The following CNTNAP2 variants were observed in gnomAD, a reference collection of about 807,000 sequenced individuals.
CNTNAP2 encodes contactin-associated protein-like 2.
Under a neutral mutation model 155.2 loss-of-function variants are expected in CNTNAP2, and 98 were observed. The observed-to-expected ratio is 0.63, with a 90% CI of 0.54 to 0.75. CNTNAP2 has a LOEUF of 0.75. Ranked by LOEUF, CNTNAP2 falls within the 30% of genes least tolerant of loss-of-function variation. The probability of loss-of-function intolerance (pLI) is 0.00; values close to 1 mark genes in which losing one functional copy is unlikely to be tolerated. For synonymous variants in CNTNAP2, 651 were observed against 631.2 expected, an observed-to-expected ratio of 1.03 and a Z score of -0.47; for missense variants, 1,727 against 1,688.1, an observed-to-expected ratio of 1.02 and a Z score of -0.40.
chr7:147,012,151 G>T (rs753839148), intron 3 of CNTNAP2, among the ~76,000 whole-genome samples: 13 of 152,072 alleles, frequency 8.5e-5, no homozygotes, highest in Non-Finnish European at 1.8e-4. Context: ...CTTTATGATG[G>T]GGTGGGAAGG....
At chr7:146,891,127 A>C (rs1403443350) in intron 3 of CNTNAP2, among the ~76,000 whole-genome samples, 1 of 152,224 alleles carries the variant, frequency 6.6e-6, no homozygotes, top group Non-Finnish European at 1.5e-5. Context: ...CATTATCCTA[A>C]GTGAATTAAT....
intron 1 of CNTNAP2, among the ~76,000 whole-genome samples, chr7:146,324,466 G>C (rs996592016): frequency 2.6e-5 from 4 of 152,090 alleles, no homozygotes; most frequent in East Asian, 1.9e-4. Context: ...AGCTTCCCCT[G>C]TGTCTCCTGT....
chr7:146,583,733 C>T (rs971809743), intron 1 of CNTNAP2, among the ~76,000 whole-genome samples: 1 of 151,894 alleles, frequency 6.6e-6, no homozygotes. Context: ...TATCAGTTTC[C>T]TTTAGCATTA....
At chr7:147,676,892 AT>A (rs1414787226) in intron 13 of CNTNAP2, among the ~76,000 whole-genome samples, 1 of 151,816 alleles carries the variant, frequency 6.6e-6, no homozygotes, top group Non-Finnish European at 1.5e-5. Flanking sequence ...TACATACAGC[AT>A]TTTCTTTATC....
intron 1 of CNTNAP2, among the ~76,000 whole-genome samples, chr7:146,597,958 C>G (rs1798888500): frequency 6.6e-6 from 1 of 152,084 alleles, no homozygotes; most frequent in Admixed American, 6.6e-5. Context: ...AACACTGCAG[C>G]CTTACAAGGT....
chr7:146,336,977 G>A (rs1420250602), intron 1 of CNTNAP2, among the ~76,000 whole-genome samples: 6 of 152,100 alleles, frequency 3.9e-5, no homozygotes, highest in Non-Finnish European at 8.8e-5. Flanking sequence ...GAACAGTTTT[G>A]CATTTAGATT....
At chr7:146,938,400 A>G (rs1243723794) in intron 3 of CNTNAP2, among the ~76,000 whole-genome samples, 1 of 150,184 alleles carries the variant, frequency 6.7e-6, no homozygotes, top group Non-Finnish European at 1.5e-5. Flanking sequence ...GTAGTTTTAT[A>G]TATTATATAT....
chr7:146,316,440 T>C (rs1800906284), intron 1 of CNTNAP2, among the ~76,000 whole-genome samples: 1 of 152,060 alleles, frequency 6.6e-6, no homozygotes, highest in Non-Finnish European at 1.5e-5. Flanking sequence ...TTTGGGATCC[T>C]GATGAGTCAA....
At chr7:146,247,333 C>T (rs904580009) in intron 1 of CNTNAP2, among the ~76,000 whole-genome samples, 2 of 151,894 alleles carry the variant, frequency 1.3e-5, no homozygotes, top group Admixed American at 6.6e-5. Flanking sequence ...AGAGGTGGAA[C>T]GAAACTGTAA....
chr7:146,319,472 G>A (rs895521088), intron 1 of CNTNAP2, among the ~76,000 whole-genome samples: 6 of 151,900 alleles, frequency 3.9e-5, no homozygotes, highest in African/African-American at 1.5e-4. Context: ...AGTAGACCGG[G>A]GTACAAATTG....
chr7:147,734,280 G>T (rs1330624747), intron 13 of CNTNAP2, among the ~76,000 whole-genome samples: 1 of 152,104 alleles, frequency 6.6e-6, no homozygotes, highest in African/African-American at 2.4e-5. Context: ...TAATCATGTG[G>T]TTTTTGTCGT....
At chr7:147,586,586 GAAAGGAGGGAGA>G (rs1170635208) in intron 12 of CNTNAP2, among the ~76,000 whole-genome samples, 1 of 122,456 alleles carries the variant, frequency 8.2e-6, no homozygotes, top group Non-Finnish European at 1.9e-5. Context: ...AGGGAAAGAG[GAAAGGAGGGAGA>G]AAAGGAGGGA....
intron 1 of CNTNAP2, among the ~76,000 whole-genome samples, chr7:146,573,374 C>T (rs1346166176): frequency 1.3e-5 from 2 of 152,120 alleles, no homozygotes; most frequent in African/African-American, 2.4e-5. Context: ...ATCTCCTGAC[C>T]TCGTGATCTG....
At position 146,489,650 on chromosome 7, in the gene CNTNAP2, T is replaced by C. The variant is rs546395787; in HGVS notation, c.98-284621T>C. 3.3e-3 allele frequency among the ~76,000 whole-genome samples: 501 copies of C among 152,232 alleles called. 3 individuals are homozygous for C. Among genetic ancestry groups the C allele is most frequent in the African/African-American group, 0.011 (472 of 41,546 alleles). The stretch of plus-strand genomic sequence containing the variant: ...CACTTGGCCTGCGTGTGCTACAGCT[T>C]GTACCCATGTTCGGCGATTCCCAAG... On this transcript the variant is annotated intron_variant, in intron 1 of 23. Coordinates refer to ENST00000361727, the MANE Select transcript of CNTNAP2 (RefSeq NM_014141.6).
At chr7:148,076,578 G>C (rs1803490960) in intron 15 of CNTNAP2, among the ~76,000 whole-genome samples, 1 of 151,480 alleles carries the variant, frequency 6.6e-6, no homozygotes, top group Non-Finnish European at 1.5e-5. Flanking sequence ...TGGGACTACA[G>C]GAGCCCGCCA....
intron 13 of CNTNAP2, among the ~76,000 whole-genome samples, chr7:147,860,776 C>T (rs1365312015): frequency 6.6e-6 from 1 of 152,056 alleles, no homozygotes; most frequent in Non-Finnish European, 1.5e-5. Flanking sequence ...AGTCTCAGGT[C>T]ATTCATGGCA....
chr7:147,112,412 A>G (rs891492213), intron 5 of CNTNAP2, among the ~76,000 whole-genome samples: 5 of 152,128 alleles, frequency 3.3e-5, no homozygotes, highest in Admixed American at 1.3e-4. Flanking sequence ...ACTGTGTTGA[A>G]TAGTCACGGT....
intron 10 of CNTNAP2, among the ~76,000 whole-genome samples, chr7:147,438,326 T>A (rs1416478980): frequency 2.0e-5 from 3 of 152,088 alleles, no homozygotes; most frequent in Admixed American, 6.6e-5. Context: ...ATAAAAGGAA[T>A]GCTGAATTGT....
At chr7:148,332,689 T>G (rs73745583) in intron 21 of CNTNAP2, among the ~76,000 whole-genome samples, 1,903 of 152,260 alleles carry the variant, frequency 0.012, 31 homozygotes, top group African/African-American at 0.043. Flanking sequence ...GGAAAGAGGT[T>G]CTCCAGGGGA....
Sources: gnomAD v4.1 joint callset for allele counts (sites outside exome capture counted in the v4.1 genomes callset) on GRCh38, gnomAD v4.1.1 for gene constraint, MANE v1.5 for transcripts, NCBI Gene and HGNC (gene_info 2026-07-23, HGNC 2026-07-21) for gene names.